The following SMIM7 variants were observed in gnomAD, a reference collection of about 807,000 sequenced individuals.
The protein encoded by SMIM7 is small integral membrane protein 7.
In SMIM7, 12 loss-of-function variants were observed where a neutral mutation model predicts 13.3. The ratio of observed to expected loss-of-function variants is 0.90; its 90% CI spans 0.58 to 1.46. The LOEUF (loss-of-function observed/expected upper bound fraction) is 1.46, where lower values mean the gene tolerates loss of function less well. Among genes scored for constraint, SMIM7 ranks in the 40% most tolerant of loss-of-function variants. SMIM7 has a pLI of 0.00. For missense variants in SMIM7, 114 were observed against 94.8 expected, an observed-to-expected ratio of 1.20 and a Z score of -0.84; for synonymous variants, 36 against 35.8, an observed-to-expected ratio of 1.01 and a Z score of -0.02.
chr19:16,657,457 G>A (rs980716217), intron 3 of SMIM7, among the ~76,000 whole-genome samples: 9 of 152,212 alleles, frequency 5.9e-5, no homozygotes, highest in African/African-American at 1.7e-4. Context: ...ATGTATGAAT[G>A]GATGGATCAA....
chr19:16,632,956 G>A (rs1260554319), intron 4 of SMIM7, among the ~76,000 whole-genome samples: 6 of 152,222 alleles, frequency 3.9e-5, no homozygotes, highest in Admixed American at 3.9e-4. Context: ...TATGTACAAG[G>A]AAGTTCACTG....
chr19:16,649,259 C>T (rs564278437), intron 4 of SMIM7, among the ~76,000 whole-genome samples: 7 of 152,082 alleles, frequency 4.6e-5, no homozygotes, highest in African/African-American at 1.7e-4. Context: ...GTCTGGAGTT[C>T]GAGACCAGCC....
intron 4 of SMIM7, among the ~76,000 whole-genome samples, chr19:16,637,884 C>G (rs2086371617): frequency 6.6e-6 from 1 of 152,172 alleles, no homozygotes. Flanking sequence ...GCTCTGACCT[C>G]CAACAGGGAC....
rs1399288278 is a variant in SMIM7, at chr19:16,646,397, C to T, written c.*849G>A. The T allele has an allele frequency of 6.6e-6, 1 of 152,110 alleles. No individual in the cohort carries two copies. Among genetic ancestry groups the T allele is most frequent in the Non-Finnish European group, 1.5e-5 (1 of 68,026 alleles). The allele number at this position is 152,110 out of a possible 1,614,324, so 9.4% of individuals were successfully genotyped here. ...TCATTTTGGCAACAAAACCAGGATT[C>T]CCTTTCAAAGAAGCTTCTGGAAAAT... is the stretch of plus-strand genomic sequence containing the variant. On this transcript the variant is annotated 3_prime_UTR_variant, in exon 5 of 5. Transcript: ENST00000487416.
downstream of SMIM7, chr19:16,645,438 A>T (rs2086439741): frequency 1.3e-5 from 2 of 152,206 alleles, no homozygotes; most frequent in South Asian, 4.1e-4. Flanking sequence ...GCCTCAGCAA[A>T]GCCAGACCCA....
At chr19:16,642,569 T>C (rs1328428592), downstream of SMIM7, among the ~76,000 whole-genome samples, 5 of 150,412 alleles carry the variant, frequency 3.3e-5, no homozygotes, top group Non-Finnish European at 7.4e-5. Context: ...AGAATGATAT[T>C]GTGGTTCATG....
chr19:16,658,177 T>A (rs2086621311), intron 3 of SMIM7, among the ~76,000 whole-genome samples: 1 of 152,172 alleles, frequency 6.6e-6, no homozygotes, highest in African/African-American at 2.4e-5. Flanking sequence ...CCCATCACCA[T>A]CCTGTGACTC....
chr19:16,659,922 C>T, intron 2 of SMIM7, 37 bp downstream of exon 2: 1 of 1,593,890 alleles, frequency 6.3e-7, no homozygotes, highest in Non-Finnish European at 8.5e-7. Context: ...CTACGGGTTC[C>T]CCGGATGGAG....
intron 4 of SMIM7, among the ~76,000 whole-genome samples, chr19:16,651,246 T>TA (rs2086520862): frequency 6.6e-6 from 1 of 152,216 alleles, no homozygotes; most frequent in African/African-American, 2.4e-5. Context: ...GACTGTTTAC[T>TA]AACAGTTCTG....
At chr19:16,643,728 C>T (rs1386453520), downstream of SMIM7, among the ~76,000 whole-genome samples, 1 of 152,086 alleles carries the variant, frequency 6.6e-6, no homozygotes, top group East Asian at 1.9e-4. Flanking sequence ...GTAAAACAAA[C>T]AAAAGCCACT....
chr19:16,652,546 T>C (rs1253685050), intron 4 of SMIM7: 5 of 1,100,138 alleles, frequency 4.5e-6, no homozygotes, highest in Admixed American at 4.8e-5. Flanking sequence ...TCACAAGCCT[T>C]CTTTGTTCCT....
At chr19:16,657,755 G>A (rs1052636786) in intron 3 of SMIM7, among the ~76,000 whole-genome samples, 1 of 152,226 alleles carries the variant, frequency 6.6e-6, no homozygotes, top group African/African-American at 2.4e-5. Context: ...GCTCGGCCAG[G>A]CGTGGTAGCT....
Position 16,659,943 on chromosome 19 carries a change from G to A in SMIM7, c.68+16C>T. 1.2e-6 allele frequency: 2 copies of A among 1,607,174 alleles called. No homozygotes were observed. Among genetic ancestry groups the A allele is most frequent in the East Asian group, 2.2e-5 (1 of 44,666 alleles). The stretch of plus-strand genomic sequence containing the variant: ...GTTCCCCGGATGGAGCCGCAGTCCG[G>A]CCGCGACCTACTCACAGCTTAAAGT... On this transcript the variant is annotated intron_variant, in intron 2 of 4. Transcript: ENST00000487416.
At chr19:16,652,487 C>T in intron 4 of SMIM7, 2 of 987,952 alleles carry the variant, frequency 2.0e-6, no homozygotes, top group Non-Finnish European at 2.4e-6. Context: ...CAGGCCTGAG[C>T]CACTGCCCCT....
chr19:16,631,784 G>A (rs2086323223), intron 4 of SMIM7: 1 of 152,120 alleles, frequency 6.6e-6, no homozygotes, highest in African/African-American at 2.4e-5. Flanking sequence ...AGGGATGTGA[G>A]GGCTCCAGGG....
chr19:16,639,795 C>T (rs975119437), intron 4 of SMIM7, among the ~76,000 whole-genome samples: 3 of 152,188 alleles, frequency 2.0e-5, no homozygotes, highest in Non-Finnish European at 4.4e-5. Flanking sequence ...AGCTCTCATT[C>T]TTCTCCTACC....
At chr19:16,649,799 T>G (rs1307684018) in intron 4 of SMIM7, among the ~76,000 whole-genome samples, 1 of 152,122 alleles carries the variant, frequency 6.6e-6, no homozygotes, top group African/African-American at 2.4e-5. Context: ...TGAAAAGGAA[T>G]GAAGCACTGC....
downstream of SMIM7, chr19:16,641,602 T>G (rs995105917): frequency 1.3e-5 from 2 of 152,226 alleles, no homozygotes; most frequent in African/African-American, 4.8e-5. Context: ...CCGGTCCCAG[T>G]ACAACTTTTT....
rs1288198539 is a variant in SMIM7, at chr19:16,660,136, A to G, written c.-26T>C. On this transcript the variant is annotated 5_prime_UTR_variant, in exon 1 of 5. Transcript: ENST00000487416. Reference sequence around the variant, plus strand: ...CGTTACGGCCGAAGCGTCCGTCAGAACCGGAAGCGGAAGCCCCAGGGAGGG... The same window carrying G: ...CGTTACGGCCGAAGCGTCCGTCAGAGCCGGAAGCGGAAGCCCCAGGGAGGG... The G allele has an allele frequency of 1.2e-6, 2 of 1,613,956 alleles. No individual in the cohort carries two copies. The highest frequency in any genetic ancestry group is 1.7e-5 in the Admixed American group (1 of 59,972).
Sources: allele counts gnomAD v4.1 joint callset (sites outside exome capture counted in the v4.1 genomes callset), GRCh38; gene constraint gnomAD v4.1.1; transcripts MANE v1.5; gene names NCBI Gene and HGNC (gene_info 2026-07-23, HGNC 2026-07-21).